Variants in TMEM232 observed in about 807,000 individuals in gnomAD.
TMEM232 encodes transmembrane protein 232.
A neutral mutation model predicts 78.8 loss-of-function variants in TMEM232; 80 were observed. The observed-to-expected ratio is 1.01, with a 90% CI of 0.85 to 1.22. The LOEUF (loss-of-function observed/expected upper bound fraction) is 1.22. Ranked by LOEUF, TMEM232 falls within the 50% of genes most tolerant of loss-of-function variation. The pLI, the probability that TMEM232 is intolerant of heterozygous loss-of-function variation, is 0.00. For synonymous variants in TMEM232, 297 were observed against 254.3 expected (o/e 1.17, Z -1.60); for missense variants, 881 against 742.2 (o/e 1.19, Z -2.17).
intron 12 of TMEM232, among the ~76,000 whole-genome samples, chr5:110,468,092 T>C (rs1428223949): frequency 2.6e-5 from 4 of 152,024 alleles, no homozygotes; most frequent in African/African-American, 9.7e-5. Context: ...ACAAGGGATA[T>C]TCATTGGAAG....
chr5:110,448,370 T>C (rs1023395265), intron 12 of TMEM232, among the ~76,000 whole-genome samples: 5 of 152,042 alleles, frequency 3.3e-5, no homozygotes, highest in African/African-American at 7.2e-5. Flanking sequence ...CAAAGAGTAA[T>C]AGTAGTGGCA....
At chr5:110,664,378 A>C (rs1790269205) in intron 2 of TMEM232, among the ~76,000 whole-genome samples, 1 of 152,234 alleles carries the variant, frequency 6.6e-6, no homozygotes, top group African/African-American at 2.4e-5. Flanking sequence ...TAAATGTATT[A>C]GGTAGAATTA....
chr5:110,609,641 G>C (rs899493590), intron 8 of TMEM232, among the ~76,000 whole-genome samples: 38 of 151,996 alleles, frequency 2.5e-4, no homozygotes, highest in African/African-American at 8.9e-4. Flanking sequence ...GAATACAGAA[G>C]TGCATTTTTT....
In TMEM232 at chr5:110,631,383, G is replaced by A. The variant is rs1312911491; in HGVS notation, c.502-3503C>T. Among the ~76,000 whole-genome samples, 7 of 152,132 alleles carry A rather than the reference G, an allele frequency of 4.6e-5. No individual in the cohort carries two copies. The South Asian group carries it at 8.3e-4, about 18-fold the overall frequency. Reference sequence around the variant, plus strand: ...AGAGAGAGATCCCATTCACACCCCCGACCCAACACTGCAGCAGCAATTGCT... The same window carrying A: ...AGAGAGAGATCCCATTCACACCCCCAACCCAACACTGCAGCAGCAATTGCT... On this transcript the variant is annotated intron_variant, in intron 5 of 13. Coordinates refer to ENST00000455884, the MANE Select transcript of TMEM232 (RefSeq NM_001039763.4).
intron 12 of TMEM232, among the ~76,000 whole-genome samples, chr5:110,516,886 T>C (rs1011115158): frequency 6.6e-6 from 1 of 152,196 alleles, no homozygotes; most frequent in East Asian, 1.9e-4. Context: ...GATACTTCAT[T>C]AACAAGGAAG....
intron 12 of TMEM232, among the ~76,000 whole-genome samples, chr5:110,472,574 A>C (rs1762799929): frequency 1.3e-5 from 2 of 151,970 alleles, no homozygotes; most frequent in Admixed American, 1.3e-4. Context: ...ATTGAACCAC[A>C]AAAGACTCTG....
rs572071254 is a variant in TMEM232, at chr5:110,534,452, G to A, written c.1456-5617C>T. Among the ~76,000 whole-genome samples the A allele has an allele frequency of 6.6e-5, 10 of 152,296 alleles. No homozygotes were observed. In the South Asian group the frequency reaches 1.9e-3, roughly 28 times the overall value. ...TTCTCAGAATTCAGGCCTGTCCTCAGAATGCTACAAAGTACAGCCCATTTA... is the reference window on the plus strand; with the variant it reads ...TTCTCAGAATTCAGGCCTGTCCTCAAAATGCTACAAAGTACAGCCCATTTA... On this transcript the variant is annotated intron_variant, in intron 11 of 13. Transcript: ENST00000455884.
chr5:110,495,595 A>C (rs1482091697), intron 12 of TMEM232, among the ~76,000 whole-genome samples: 2 of 151,908 alleles, frequency 1.3e-5, no homozygotes, highest in Admixed American at 6.6e-5. Context: ...TACAGATATA[A>C]AAATTATGAT....
intron 12 of TMEM232, among the ~76,000 whole-genome samples, chr5:110,517,824 T>C (rs968053160): frequency 1.3e-5 from 2 of 152,212 alleles, no homozygotes; most frequent in African/African-American, 4.8e-5. Flanking sequence ...ATGATTGCCA[T>C]TTATTTAATG....
rs774717689 is a variant in TMEM232, at chr5:110,696,106, T to C, written c.-12-28742A>G. Among the ~76,000 whole-genome samples, 289 of 152,280 alleles carry C rather than the reference T, an allele frequency of 1.9e-3. 1 individual carries two copies. Among genetic ancestry groups the C allele is most frequent in the Non-Finnish European group, 2.8e-3 (191 of 68,014 alleles). ...AGCACATCAAAAAGCTTATCCACCATGATCAAGTGGGCTTCATCCCTGGGA... is the reference window on the plus strand; with the variant it reads ...AGCACATCAAAAAGCTTATCCACCACGATCAAGTGGGCTTCATCCCTGGGA... On this transcript the variant is annotated intron_variant, in intron 1 of 13. Coordinates refer to ENST00000455884, the MANE Select transcript of TMEM232 (RefSeq NM_001039763.4).
chr5:110,670,607 T>C (rs1791231358), intron 1 of TMEM232, among the ~76,000 whole-genome samples: 1 of 152,064 alleles, frequency 6.6e-6, no homozygotes, highest in Admixed American at 6.6e-5. Flanking sequence ...TGCATCAGAA[T>C]GTAAAGCAAA....
At chr5:110,599,322 AT>A (rs1167064913) in intron 10 of TMEM232, among the ~76,000 whole-genome samples, 1 of 152,186 alleles carries the variant, frequency 6.6e-6, no homozygotes, top group African/African-American at 2.4e-5. Flanking sequence ...ACATAACAAT[AT>A]TAACCTTAAA....
At chr5:110,554,997 G>A (rs1388167539) in intron 11 of TMEM232, among the ~76,000 whole-genome samples, 2 of 151,812 alleles carry the variant, frequency 1.3e-5, no homozygotes, top group Admixed American at 6.6e-5. Context: ...TTTGGGGAAG[G>A]CTTGCATCTT....
chr5:110,580,550 T>G (rs1331560118), intron 10 of TMEM232, among the ~76,000 whole-genome samples: 1 of 151,394 alleles, frequency 6.6e-6, no homozygotes, highest in Admixed American at 6.6e-5. Context: ...AATGCATAAC[T>G]ATATATGAGG....
At chr5:110,602,459 A>T (rs1237860057) in intron 10 of TMEM232, among the ~76,000 whole-genome samples, 2 of 151,350 alleles carry the variant, frequency 1.3e-5, no homozygotes, top group African/African-American at 4.8e-5. Flanking sequence ...AGAAAAAAAA[A>T]CCCATCAACA....
chr5:110,629,741 T>C (rs1007561736), intron 5 of TMEM232, among the ~76,000 whole-genome samples: 7 of 152,166 alleles, frequency 4.6e-5, no homozygotes, highest in Non-Finnish European at 1.0e-4. Flanking sequence ...TTATATGTTT[T>C]TGGTTCTTGC....
At chr5:110,722,556 T>C (rs1797752737) in intron 1 of TMEM232, among the ~76,000 whole-genome samples, 1 of 152,230 alleles carries the variant, frequency 6.6e-6, no homozygotes, top group Non-Finnish European at 1.5e-5. Flanking sequence ...CAGAGCTTCC[T>C]GTGTGCTCTC....
At chr5:110,638,884 A>C (rs1786276242) in intron 4 of TMEM232, among the ~76,000 whole-genome samples, 1 of 152,230 alleles carries the variant, frequency 6.6e-6, no homozygotes, top group African/African-American at 2.4e-5. Flanking sequence ...GCAGTGCGAA[A>C]GATAAAAAGG....
Position 110,625,384 on chromosome 5 carries a change from T to C in TMEM232, c.651A>G (p.Ser217=). 6.5e-7 allele frequency: 1 copy of C among 1,546,986 alleles called. No homozygotes were observed. Among genetic ancestry groups the C allele is most frequent in the African/African-American group, 1.4e-5 (1 of 72,966 alleles). Residue 217 remains serine, a synonymous_variant, in exon 7 of 14, where the codon TCA becomes TCG. Coordinates refer to ENST00000455884, the MANE Select transcript of TMEM232 (RefSeq NM_001039763.4). ...AGGCTTTCAGGATGAATTGCACATT[T>C]GAAAAGATGTTTGGATACTTGTGAT... ...ASYHKYPNIF[S]NVQFILKASE...
Sources: allele counts gnomAD v4.1 joint callset (sites outside exome capture counted in the v4.1 genomes callset), GRCh38; gene constraint gnomAD v4.1.1; transcripts MANE v1.5; gene names NCBI Gene and HGNC (gene_info 2026-07-23, HGNC 2026-07-21).